The following FRMD6 variants were observed in gnomAD, a reference collection of about 807,000 sequenced individuals.
The protein encoded by FRMD6 is FERM domain-containing protein 6.
A neutral mutation model predicts 73.2 loss-of-function variants in FRMD6; 37 were observed. The observed-to-expected ratio is 0.51, with a 90% CI of 0.39 to 0.66. The LOEUF (loss-of-function observed/expected upper bound fraction) is 0.66, where lower values mean the gene tolerates loss of function less well. FRMD6 is among the 30% of genes least tolerant of loss of function. The pLI, the probability that FRMD6 is intolerant of heterozygous loss-of-function variation, is 0.00. For missense variants in FRMD6, 714 were observed against 780.5 expected (o/e 0.91, Z 1.02); for synonymous variants, 273 against 282.2 (o/e 0.97, Z 0.33).
chr14:51,722,148 AG>A, intron 12 of FRMD6, 68 bp downstream of exon 12: 1 of 1,563,452 alleles, frequency 6.4e-7, no homozygotes, highest in Non-Finnish European at 8.8e-7. Flanking sequence ...CACATGCCTC[AG>A]AAAATAGAAG....
At chr14:51,692,929 C>G (rs1895704546) in intron 2 of FRMD6, 1 of 152,102 alleles carries the variant, frequency 6.6e-6, no homozygotes, top group African/African-American at 2.4e-5. Context: ...GCGAAACAGG[C>G]AAAGATCTAT....
At chr14:51,651,224 A>C (rs916250618), upstream of FRMD6, 3 of 152,212 alleles carry the variant, frequency 2.0e-5, no homozygotes, top group African/African-American at 7.2e-5. Flanking sequence ...GAGGAACTGG[A>C]GAGGTAGAAT....
intron 1 of FRMD6, among the ~76,000 whole-genome samples, chr14:51,528,615 C>G (rs1387616679): frequency 6.6e-6 from 1 of 152,078 alleles, no homozygotes; most frequent in Non-Finnish European, 1.5e-5. Context: ...TATTGGGTTT[C>G]CATGTGAGAT....
At chr14:51,496,237 G>C (rs1469581013) in intron 1 of FRMD6, among the ~76,000 whole-genome samples, 1 of 152,142 alleles carries the variant, frequency 6.6e-6, no homozygotes, top group African/African-American at 2.4e-5. Context: ...AAGAAAACCT[G>C]CACCATCTGC....
At chr14:51,581,285 G>GACATTCATCCATGGCTCATTCAT (rs1327540316) in intron 2 of FRMD6, among the ~76,000 whole-genome samples, 1 of 152,124 alleles carries the variant, frequency 6.6e-6, no homozygotes, top group Non-Finnish European at 1.5e-5. Flanking sequence ...TCAGGACCTA[G>GACATTCATCCATGGCTCATTCAT]ACATTCATCC....
chr14:51,652,872 C>T (rs766611290), intron 1 of FRMD6, among the ~76,000 whole-genome samples: 22 of 152,300 alleles, frequency 1.4e-4, no homozygotes, highest in Non-Finnish European at 2.6e-4. Flanking sequence ...GACAGCATAA[C>T]CTAATGGTGC....
chr14:51,670,228 C>G (rs1357020271), intron 1 of FRMD6, among the ~76,000 whole-genome samples: 1 of 152,120 alleles, frequency 6.6e-6, no homozygotes, highest in Non-Finnish European at 1.5e-5. Context: ...GCATGCACCA[C>G]CACACATAGC....
chr14:51,467,486 C>A, the FRMD6 span, among the ~76,000 whole-genome samples: 1 of 152,256 alleles, frequency 6.6e-6, no homozygotes, highest in South Asian at 2.1e-4. Flanking sequence ...TTGGGTACAC[C>A]TCCCAGACGG....
the FRMD6 span, among the ~76,000 whole-genome samples, chr14:51,467,445 A>G: frequency 6.6e-6 from 1 of 152,238 alleles, no homozygotes; most frequent in Non-Finnish European, 1.5e-5. Flanking sequence ...CAAAACTGCC[A>G]TCGTCATCAT....
intron 2 of FRMD6, among the ~76,000 whole-genome samples, chr14:51,596,221 A>G (rs1230102563): frequency 2.0e-5 from 3 of 151,020 alleles, no homozygotes; most frequent in Non-Finnish European, 4.4e-5. Flanking sequence ...GTTTTTTGGA[A>G]TTGTGGAATT....
chr14:51,538,616 G>T, intron 1 of FRMD6, among the ~76,000 whole-genome samples: 1 of 152,036 alleles, frequency 6.6e-6, no homozygotes, highest in Non-Finnish European at 1.5e-5. Context: ...TTTGAATATT[G>T]ATATTCAGTT....
chr14:51,412,990 A>ATT, the FRMD6 span, among the ~76,000 whole-genome samples: 105 of 134,140 alleles, frequency 7.8e-4, 2 homozygotes, highest in South Asian at 2.7e-3. Context: ...CCATAGTTAA[A>ATT]TTTTTTTTTT....
At chr14:51,585,136 TC>T (rs1180644935) in intron 2 of FRMD6, among the ~76,000 whole-genome samples, 1 of 152,116 alleles carries the variant, frequency 6.6e-6, no homozygotes, top group Non-Finnish European at 1.5e-5. Flanking sequence ...ATGGAGTTCT[TC>T]CTTTCCACCA....
intron 2 of FRMD6, among the ~76,000 whole-genome samples, chr14:51,691,131 G>A (rs1895534848): frequency 2.0e-5 from 3 of 152,028 alleles, no homozygotes; most frequent in Admixed American, 2.0e-4. Flanking sequence ...TTCTCTTCTG[G>A]CTTCTTTTAC....
At chr14:51,659,140 C>G (rs1385044239) in intron 1 of FRMD6, among the ~76,000 whole-genome samples, 3 of 152,160 alleles carry the variant, frequency 2.0e-5, no homozygotes, top group African/African-American at 7.2e-5. Flanking sequence ...GGCCCAAATC[C>G]AGACTCCAGT....
the FRMD6 span, among the ~76,000 whole-genome samples, chr14:51,458,142 G>C: frequency 6.6e-6 from 1 of 152,178 alleles, no homozygotes; most frequent in African/African-American, 2.4e-5. Flanking sequence ...AACCTATGTG[G>C]CTTTGTATGT....
At chr14:51,534,735 G>A (rs1489873067) in intron 1 of FRMD6, among the ~76,000 whole-genome samples, 4 of 152,170 alleles carry the variant, frequency 2.6e-5, no homozygotes, top group African/African-American at 9.7e-5. Flanking sequence ...CAGGAAGTCG[G>A]GCAGGAAGCA....
At chr14:51,622,349 C>G (rs968757192) in intron 2 of FRMD6, among the ~76,000 whole-genome samples, 2 of 152,106 alleles carry the variant, frequency 1.3e-5, no homozygotes, top group African/African-American at 4.8e-5. Flanking sequence ...TTTGCACGAA[C>G]AGGGTGCAAA....
At chr14:51,494,913 C>T (rs1209278865) in intron 1 of FRMD6, among the ~76,000 whole-genome samples, 1 of 152,188 alleles carries the variant, frequency 6.6e-6, no homozygotes, top group East Asian at 1.9e-4. Context: ...GATGTTTTCT[C>T]CCAAATATAC....
Sources: gnomAD v4.1 joint callset for allele counts (sites outside exome capture counted in the v4.1 genomes callset) on GRCh38, gnomAD v4.1.1 for gene constraint, MANE v1.5 for transcripts, NCBI Gene and HGNC (gene_info 2026-07-23, HGNC 2026-07-21) for gene names.